The following KIAA0232 variants were observed in gnomAD, a reference collection of about 807,000 sequenced individuals.
KIAA0232 encodes uncharacterized protein KIAA0232.
In KIAA0232, 27 loss-of-function variants were observed where a neutral mutation model predicts 122.0. The ratio of observed to expected loss-of-function variants is 0.22; its 90% CI spans 0.16 to 0.31. The LOEUF is 0.31. KIAA0232 is among the 10% of genes least tolerant of loss of function. KIAA0232 has a pLI of 1.00. For synonymous variants in KIAA0232, 613 were observed against 587.6 expected, an observed-to-expected ratio of 1.04 and a Z score of -0.63; for missense variants, 1,551 against 1,634.2, an observed-to-expected ratio of 0.95 and a Z score of 0.88.
chr4:6,880,817 G>GGA lies in KIAA0232; in HGVS notation c.4048_4049dup (p.Asp1350GlufsTer52). 6.3e-7 allele frequency: 1 copy of GGA among 1,595,836 alleles called. No homozygotes were observed. Among genetic ancestry groups the GGA allele is most frequent in the East Asian group, 2.3e-5 (1 of 44,256 alleles). The stretch of plus-strand genomic sequence containing the variant: ...TTCTGTTTATGAAGCAAGATGTACA[G>GGA]GAGAGAGAGATTCTGGAGCAAAGTC... On this transcript the variant is annotated frameshift_variant, in exon 10 of 10. Coordinates refer to ENST00000307659, the MANE Select transcript of KIAA0232 (RefSeq NM_014743.3). LOFTEE classifies it low-confidence loss of function (END_TRUNC).
At chr4:6,811,667 ACTC>A (rs1278066236) in intron 2 of KIAA0232, among the ~76,000 whole-genome samples, 1 of 150,024 alleles carries the variant, frequency 6.7e-6, no homozygotes, top group African/African-American at 2.5e-5. Context: ...CTGGTCTTGA[ACTC>A]CTGAGTTCAA....
intron 5 of KIAA0232, among the ~76,000 whole-genome samples, chr4:6,858,028 C>T (rs1720652494): frequency 6.6e-6 from 1 of 152,190 alleles, no homozygotes; most frequent in African/African-American, 2.4e-5. Context: ...ATATTCTTTA[C>T]AGATTAGTTT....
chr4:6,832,741 A>G (rs1001078034), intron 3 of KIAA0232, among the ~76,000 whole-genome samples: 1 of 152,194 alleles, frequency 6.6e-6, no homozygotes, highest in African/African-American at 2.4e-5. Context: ...TACGTATTAG[A>G]CAAATGGATA....
chr4:6,848,455 T>C (rs1403956750), intron 4 of KIAA0232, among the ~76,000 whole-genome samples: 2 of 152,210 alleles, frequency 1.3e-5, no homozygotes, highest in Non-Finnish European at 2.9e-5. Flanking sequence ...ATACAGACTT[T>C]TTTCCTGGCA....
chr4:6,878,097 G>A (rs1034060283), intron 9 of KIAA0232, among the ~76,000 whole-genome samples: 15 of 152,106 alleles, frequency 9.9e-5, no homozygotes, highest in South Asian at 6.2e-4. Flanking sequence ...TATGTCAGCC[G>A]GGCGCTGTGG....
intron 5 of KIAA0232, 130 bp from the exon 6 acceptor site, chr4:6,858,295 G>A (rs762276726): frequency 7.1e-6 from 4 of 567,140 alleles, no homozygotes; most frequent in South Asian, 2.4e-5. Context: ...TAAAAAGATC[G>A]GTATTGAGTT....
intron 4 of KIAA0232, among the ~76,000 whole-genome samples, chr4:6,852,308 A>G (rs947893811): frequency 1.3e-5 from 2 of 152,168 alleles, no homozygotes; most frequent in African/African-American, 4.8e-5. Flanking sequence ...TATTGAAGGC[A>G]TGAGTTTGTG....
chr4:6,854,208 GGT>G (rs1720453423), intron 4 of KIAA0232, among the ~76,000 whole-genome samples: 1 of 152,178 alleles, frequency 6.6e-6, no homozygotes, highest in African/African-American at 2.4e-5. Context: ...AAGTGACTAA[GGT>G]GACAGGGACT....
chr4:6,800,691 A>G (rs2108920649), intron 1 of KIAA0232, among the ~76,000 whole-genome samples: 1 of 152,232 alleles, frequency 6.6e-6, no homozygotes, highest in East Asian at 1.9e-4. Context: ...AAAAAAAAAA[A>G]AGAAAATTTG....
intron 3 of KIAA0232, among the ~76,000 whole-genome samples, chr4:6,833,313 C>T (rs906663510): frequency 6.6e-6 from 1 of 152,198 alleles, no homozygotes; most frequent in African/African-American, 2.4e-5. Context: ...TCTCTTATTT[C>T]AAATCAGCAT....
chr4:6,832,324 G>A (rs908076550), intron 3 of KIAA0232, among the ~76,000 whole-genome samples: 47 of 148,942 alleles, frequency 3.2e-4, no homozygotes, highest in South Asian at 1.1e-3. Flanking sequence ...TCCCCTACTG[G>A]CATATGTAAT....
At chr4:6,852,943 C>A (rs1720372758) in intron 4 of KIAA0232, among the ~76,000 whole-genome samples, 2 of 152,188 alleles carry the variant, frequency 1.3e-5, no homozygotes, top group South Asian at 4.1e-4. Context: ...AGGGGCCCAA[C>A]CTAGGGGCAA....
intron 7 of KIAA0232, among the ~76,000 whole-genome samples, chr4:6,870,831 A>G (rs1721439758): frequency 6.7e-6 from 1 of 149,596 alleles, no homozygotes; most frequent in Non-Finnish European, 1.5e-5. Context: ...AGTTTCTTTG[A>G]TTCCATTTCT....
chr4:6,869,736 C>G (rs1378439081), intron 7 of KIAA0232, among the ~76,000 whole-genome samples: 1 of 152,188 alleles, frequency 6.6e-6, no homozygotes, highest in African/African-American at 2.4e-5. Flanking sequence ...TGAAGTGTTT[C>G]CCTTTTAGTT....
intron 2 of KIAA0232, among the ~76,000 whole-genome samples, chr4:6,823,227 C>T (rs952909830): frequency 6.6e-5 from 10 of 151,734 alleles, no homozygotes; most frequent in African/African-American, 2.2e-4. Flanking sequence ...TGAATAATGC[C>T]GCAGTAAACA....
Position 6,876,517 on chromosome 4 carries a change from GA to G in KIAA0232, c.3911-142del, listed in dbSNP as rs1053536154. 7 of 566,450 alleles carry G rather than the reference GA, an allele frequency of 1.2e-5. No individual in the cohort carries two copies. In the African/African-American group the frequency reaches 1.3e-4, roughly 11 times the overall value. The allele number at this position is 566,450 out of a possible 1,614,324, so 35.1% of individuals were successfully genotyped here. Reference sequence around the variant, plus strand: ...CCTGCCTGGCTGTGCTTTTAGTGACGACTTAAAACCTCCGAAGGGTTGGGAG... The same window carrying G: ...CCTGCCTGGCTGTGCTTTTAGTGACGCTTAAAACCTCCGAAGGGTTGGGAG... On this transcript the variant is annotated intron_variant, in intron 8 of 9. Coordinates refer to ENST00000307659, the MANE Select transcript of KIAA0232 (RefSeq NM_014743.3).
chr4:6,851,722 T>TAAAAAA, intron 4 of KIAA0232, among the ~76,000 whole-genome samples: 1 of 97,216 alleles, frequency 1.0e-5, no homozygotes, highest in Non-Finnish European at 1.9e-5. Flanking sequence ...TCTCAAAAAT[T>TAAAAAA]AAAAAAAAAA....
chr4:6,861,805 G>C lies in KIAA0232; in HGVS notation c.1423G>C (p.Ala475Pro). 6.2e-7 allele frequency: 1 copy of C among 1,614,112 alleles called. No individual in the cohort carries two copies. ...TGATGGTCATTTTGTAGAAATGCCT[G>C]CAGTTATAAATGAGGATATTGACCT... ...FIDGHFVEMP[A>P]VINEDIDLTG... is the part of the protein sequence containing the mutation. Residue 475 changes from alanine (A) to proline (P), a missense_variant, in exon 7 of 10, where the codon GCA becomes CCA. Ala to Pro is a conservative substitution (Grantham distance 27). This residue lies in a region of KIAA0232 where 1,108 missense variants were observed against 1,154.8 expected (regional missense o/e 0.96). Coordinates refer to ENST00000307659, the MANE Select transcript of KIAA0232 (RefSeq NM_014743.3).
chr4:6,789,562 G>A (rs1716793327), intron 1 of KIAA0232, among the ~76,000 whole-genome samples: 2 of 152,166 alleles, frequency 1.3e-5, no homozygotes, highest in East Asian at 1.9e-4. Context: ...GTGAGCCACC[G>A]TGCCTGGCCA....
Sources: allele counts gnomAD v4.1 joint callset (sites outside exome capture counted in the v4.1 genomes callset), GRCh38; gene constraint gnomAD v4.1.1; regional missense constraint gnomAD v4.1.1; transcripts MANE v1.5; gene names NCBI Gene and HGNC (gene_info 2026-07-23, HGNC 2026-07-21).